Variants in KIF16B observed in about 807,000 individuals in gnomAD.
KIF16B encodes the protein kinesin-like protein KIF16B.
A neutral mutation model predicts 156.3 loss-of-function variants in KIF16B; 98 were observed. That is an observed-to-expected ratio of 0.63 (90% CI 0.53 to 0.74). KIF16B has a LOEUF of 0.74. KIF16B is among the 30% of genes least tolerant of loss of function. The pLI is 0.00. For missense variants in KIF16B, 1,421 were observed against 1,606.5 expected, an observed-to-expected ratio of 0.88 and a Z score of 1.97; for synonymous variants, 564 against 583.7, an observed-to-expected ratio of 0.97 and a Z score of 0.49.
intron 19 of KIF16B, among the ~76,000 whole-genome samples, chr20:16,377,785 A>G (rs539606743): frequency 5.6e-4 from 86 of 152,346 alleles, no homozygotes; most frequent in Admixed American, 3.5e-3. Flanking sequence ...CAAGTCTTCA[A>G]GGCTCCAGAA....
chr20:16,273,474 T>A, intron 25 of KIF16B, 63 bp from the exon 26 acceptor site: 3 of 1,441,272 alleles, frequency 2.1e-6, no homozygotes, highest in Non-Finnish European at 2.9e-6. Flanking sequence ...TGGGATCGCT[T>A]GAGCTCAGGA....
intron 12 of KIF16B, among the ~76,000 whole-genome samples, chr20:16,446,727 C>T (rs768013536): frequency 1.1e-4 from 17 of 152,096 alleles, no homozygotes; most frequent in South Asian, 2.1e-4. Context: ...AGGGAAAATG[C>T]TGATCTAATC....
rs577591057 is a variant in KIF16B, at chr20:16,433,276, A to ACATGAAAAGG, written c.1303-3304_1303-3295dup. 2.5e-3 allele frequency among the ~76,000 whole-genome samples: 376 copies of ACATGAAAAGG among 152,296 alleles called. 2 individuals carry two copies. Among genetic ancestry groups the ACATGAAAAGG allele is most frequent in the African/African-American group, 8.5e-3 (353 of 41,564 alleles). ...TGAATTATTACAGGCCTCTAGGTCC[A>ACATGAAAAGG]CATGAAAAGGAAAGTGACCATTCTC... On this transcript the variant is annotated intron_variant, in intron 12 of 25. Transcript: ENST00000354981.
intron 3 of KIF16B, among the ~76,000 whole-genome samples, chr20:16,518,852 A>G (rs1315249347): frequency 1.3e-5 from 2 of 152,104 alleles, no homozygotes; most frequent in Non-Finnish European, 2.9e-5. Flanking sequence ...ACCATGCTAC[A>G]CTAGCATCTT....
At chr20:16,387,584 G>A (rs904117993) in intron 17 of KIF16B, among the ~76,000 whole-genome samples, 1 of 152,210 alleles carries the variant, frequency 6.6e-6, no homozygotes, top group African/African-American at 2.4e-5. Flanking sequence ...TAGATTGCAA[G>A]ATGAGTTAGT....
intron 25 of KIF16B, among the ~76,000 whole-genome samples, chr20:16,301,680 G>C (rs768291885): frequency 6.6e-6 from 1 of 151,948 alleles, no homozygotes; most frequent in Non-Finnish European, 1.5e-5. Context: ...TTTTGAGACA[G>C]AGTCTCACTC....
chr20:16,505,488 C>T (rs901858314), intron 9 of KIF16B, among the ~76,000 whole-genome samples: 5 of 152,150 alleles, frequency 3.3e-5, no homozygotes, highest in Non-Finnish European at 4.4e-5. Context: ...GAAAAGTCTT[C>T]GTGCATGTTA....
chr20:16,417,806 C>T (rs1227315766), intron 15 of KIF16B, among the ~76,000 whole-genome samples: 6 of 151,572 alleles, frequency 4.0e-5, no homozygotes, highest in Admixed American at 2.6e-4. Flanking sequence ...CACAGGTCAA[C>T]TGAAATGATC....
chr20:16,540,961 C>T (rs115994557), intron 1 of KIF16B, among the ~76,000 whole-genome samples: 112 of 152,222 alleles, frequency 7.4e-4, no homozygotes, highest in African/African-American at 2.7e-3. Flanking sequence ...CGCCTCCCTA[C>T]CCCAAGCCCA....
chr20:16,442,334 A>ATGTGTGTGTGTGTGTGTG (rs148957905), intron 12 of KIF16B, among the ~76,000 whole-genome samples: 3 of 145,180 alleles, frequency 2.1e-5, no homozygotes, highest in African/African-American at 7.8e-5. Flanking sequence ...CCATTTCACA[A>ATGTGTGTGTGTGTGTGTG]TGTGTGTGTG....
At chr20:16,355,997 G>T (rs956078388) in intron 23 of KIF16B, among the ~76,000 whole-genome samples, 8 of 152,204 alleles carry the variant, frequency 5.3e-5, no homozygotes, top group African/African-American at 1.9e-4. Flanking sequence ...GTCCTGGTTT[G>T]CTCAGGACTG....
chr20:16,429,317 A>G (rs957236509), intron 13 of KIF16B, among the ~76,000 whole-genome samples: 1 of 152,204 alleles, frequency 6.6e-6, no homozygotes, highest in Non-Finnish European at 1.5e-5. Flanking sequence ...CTTTGTGTCT[A>G]AAGATATAGT....
chr20:16,498,630 A>C (rs1324208536), intron 10 of KIF16B, among the ~76,000 whole-genome samples: 1 of 152,074 alleles, frequency 6.6e-6, no homozygotes, highest in East Asian at 1.9e-4. Flanking sequence ...TAATTATACA[A>C]TATTCCATTG....
In KIF16B at chr20:16,382,090, A is replaced by C. The variant is rs766717017; in HGVS notation, c.1785-343T>G. The C allele has an allele frequency of 3.0e-5, 41 of 1,348,548 alleles. No individual in the cohort carries two copies. The African/African-American group carries it at 5.7e-4, about 19-fold the overall frequency. The allele number at this position is 1,348,548 out of a possible 1,614,324, so 83.5% of individuals were successfully genotyped here. On this transcript the variant is annotated intron_variant, in intron 17 of 25. Coordinates refer to ENST00000354981, the MANE Select transcript of KIF16B (RefSeq NM_024704.5). Reference sequence around the variant, plus strand: ...ACTGATGAGTATATAAAAATGGAGAATCTCTACCTTAGACAGATGGGTCCT... The same window carrying C: ...ACTGATGAGTATATAAAAATGGAGACTCTCTACCTTAGACAGATGGGTCCT...
chr20:16,384,208 C>T (rs2065172870), intron 17 of KIF16B, among the ~76,000 whole-genome samples: 1 of 152,102 alleles, frequency 6.6e-6, no homozygotes, highest in Non-Finnish European at 1.5e-5. Flanking sequence ...AAATTGAACA[C>T]AGTGTCACGA....
chr20:16,466,248 T>C (rs914550435), intron 12 of KIF16B, among the ~76,000 whole-genome samples: 1 of 152,134 alleles, frequency 6.6e-6, no homozygotes, highest in Admixed American at 6.6e-5. Flanking sequence ...AAGTCACCAC[T>C]CCATCCTAAC....
intron 12 of KIF16B, among the ~76,000 whole-genome samples, chr20:16,473,355 TTTACAG>T (rs1164143529): frequency 6.6e-6 from 1 of 152,192 alleles, no homozygotes; most frequent in Non-Finnish European, 1.5e-5. Context: ...TTTCTCTCCC[TTTACAG>T]AACCATATTA....
intron 3 of KIF16B, among the ~76,000 whole-genome samples, chr20:16,516,641 C>A (rs1361549612): frequency 2.0e-5 from 3 of 152,164 alleles, no homozygotes; most frequent in Non-Finnish European, 4.4e-5. Context: ...AGCATCCCTA[C>A]AGGAGCATTC....
At chr20:16,569,014 T>C (rs769272409) in intron 1 of KIF16B, among the ~76,000 whole-genome samples, 1 of 152,006 alleles carries the variant, frequency 6.6e-6, no homozygotes, top group Non-Finnish European at 1.5e-5. Context: ...GATTAGGTCA[T>C]GAGGTCCTTG....
Sources: gnomAD v4.1 joint callset for allele counts (sites outside exome capture counted in the v4.1 genomes callset) on GRCh38, gnomAD v4.1.1 for gene constraint, MANE v1.5 for transcripts, NCBI Gene and HGNC (gene_info 2026-07-23, HGNC 2026-07-21) for gene names.